Variants in TSC22D1 observed in about 807,000 individuals in gnomAD.
TSC22D1 encodes the protein TSC22 domain family protein 1.
A neutral mutation model predicts 74.2 loss-of-function variants in TSC22D1; 9 were observed. The observed-to-expected ratio is 0.12, with a 90% confidence interval of 0.07 to 0.21. TSC22D1 has a LOEUF of 0.21. TSC22D1 is among the 10% of genes least tolerant of loss of function. The pLI is 1.00. For missense variants in TSC22D1, 1,427 were observed against 1,304.7 expected (o/e 1.09, Z -1.44); for synonymous variants, 586 against 492.5 (o/e 1.19, Z -2.51).
At chr13:44,475,829 T>A (rs61949804) in intron 1 of TSC22D1, among the ~76,000 whole-genome samples, 1 of 152,072 alleles carries the variant, frequency 6.6e-6, no homozygotes, top group African/African-American at 2.4e-5. Flanking sequence ...CCAGACTAGA[T>A]AGCTCCACCA....
At chr13:44,448,731 G>A (rs1484007608) in intron 1 of TSC22D1, among the ~76,000 whole-genome samples, 1 of 152,120 alleles carries the variant, frequency 6.6e-6, no homozygotes, top group Non-Finnish European at 1.5e-5. Context: ...ATGGACCTTG[G>A]AGATCATTTA....
Position 44,576,130 on chromosome 13 carries a change from A to G in TSC22D1, c.-56T>C. 3 of 1,437,050 alleles carry G rather than the reference A, an allele frequency of 2.1e-6. No homozygotes were observed. In the South Asian group the frequency reaches 4.4e-5, roughly 21 times the overall value. 89.0% of individuals were successfully genotyped at this position (1,437,050 alleles called of 1,614,324 possible). On this transcript the variant is annotated 5_prime_UTR_variant, in exon 1 of 3. Transcript: ENST00000458659. The stretch of plus-strand genomic sequence containing the variant: ...GAGTGCAATTTCCTTCTGCACCGTA[A>G]TCTTTGTATTGGAGACGCCGGAGAG...
At chr13:44,447,805 A>G (rs1875802403) in intron 1 of TSC22D1, among the ~76,000 whole-genome samples, 1 of 148,386 alleles carries the variant, frequency 6.7e-6, no homozygotes, top group Non-Finnish European at 1.5e-5. Flanking sequence ...AAGAATATCT[A>G]TAATGCTAAG....
chr13:44,540,773 T>C (rs986535291), intron 1 of TSC22D1, among the ~76,000 whole-genome samples: 2 of 152,154 alleles, frequency 1.3e-5, no homozygotes, highest in African/African-American at 2.4e-5. Context: ...TCAAAGCACA[T>C]AGCATCTGAT....
intron 1 of TSC22D1, among the ~76,000 whole-genome samples, chr13:44,445,216 T>TACACACAC (rs55714213): frequency 6.2e-4 from 90 of 144,782 alleles, no homozygotes; most frequent in African/African-American, 2.0e-3. Context: ...AGGTCAAAGA[T>TACACACAC]ACACACACAC....
intron 2 of TSC22D1, among the ~76,000 whole-genome samples, chr13:44,435,578 T>C (rs1874522455): frequency 6.6e-6 from 1 of 152,188 alleles, no homozygotes; most frequent in Non-Finnish European, 1.5e-5. Flanking sequence ...TTCTTCTTCA[T>C]TGTGAAGGAG....
chr13:44,558,834 T>G (rs1882856808), intron 1 of TSC22D1, among the ~76,000 whole-genome samples: 1 of 152,234 alleles, frequency 6.6e-6, no homozygotes, highest in Admixed American at 6.5e-5. Flanking sequence ...TGATCGTTAT[T>G]ATGGGATTCA....
At chr13:44,504,864 T>C (rs921053185) in intron 1 of TSC22D1, among the ~76,000 whole-genome samples, 1 of 152,186 alleles carries the variant, frequency 6.6e-6, no homozygotes, top group Non-Finnish European at 1.5e-5. Flanking sequence ...ATCAAATATA[T>C]GTTAAAGGCC....
chr13:44,555,469 C>T lies in TSC22D1; in HGVS notation c.2912+17694G>A, dbSNP rs899359392. ...AAAAATACAAAAATAAGCTGGGTGT[C>T]GTGGCGCGAGCCTGTCATCCCAGCT... On this transcript the variant is annotated intron_variant, in intron 1 of 2. Transcript: ENST00000458659. Among the ~76,000 whole-genome samples the T allele has an allele frequency of 9.2e-5, 14 of 152,070 alleles. No homozygotes were observed. In the East Asian group the frequency reaches 1.7e-3, roughly 19 times the overall value.
intron 1 of TSC22D1, among the ~76,000 whole-genome samples, chr13:44,553,546 T>C (rs1306099851): frequency 1.3e-5 from 2 of 152,232 alleles, no homozygotes; most frequent in Admixed American, 6.5e-5. Flanking sequence ...ATGGAAGAGA[T>C]GGTCTTCAGG....
intron 1 of TSC22D1, chr13:44,436,943 C>A (rs1314927961): frequency 3.9e-6 from 4 of 1,023,538 alleles, no homozygotes; most frequent in Non-Finnish European, 4.7e-6. Context: ...CCCCCTACTC[C>A]CTTCCAGGTC....
intron 1 of TSC22D1, among the ~76,000 whole-genome samples, chr13:44,521,362 G>A (rs1247111545): frequency 6.6e-6 from 1 of 151,954 alleles, no homozygotes; most frequent in African/African-American, 2.4e-5. Context: ...ATCATTTGTG[G>A]GGTACACCCC....
chr13:44,534,885 C>T (rs1013955138), intron 1 of TSC22D1, among the ~76,000 whole-genome samples: 1 of 152,236 alleles, frequency 6.6e-6, no homozygotes, highest in Admixed American at 6.5e-5. Flanking sequence ...AGGCAATAAT[C>T]TCATGAAATA....
At chr13:44,486,421 C>T (rs749721367) in intron 1 of TSC22D1, among the ~76,000 whole-genome samples, 2 of 152,222 alleles carry the variant, frequency 1.3e-5, no homozygotes, top group African/African-American at 2.4e-5. Context: ...ACATAACAGG[C>T]TTCAATGCAC....
intron 1 of TSC22D1, among the ~76,000 whole-genome samples, chr13:44,467,674 C>CA (rs748418137): frequency 1.3e-5 from 2 of 152,066 alleles, no homozygotes; most frequent in African/African-American, 4.8e-5. Flanking sequence ...CAGGGAAATG[C>CA]AAATCAAAAC....
At chr13:44,495,805 T>C (rs1192541252) in intron 1 of TSC22D1, among the ~76,000 whole-genome samples, 3 of 152,174 alleles carry the variant, frequency 2.0e-5, no homozygotes, top group African/African-American at 7.2e-5. Flanking sequence ...GATATCCATA[T>C]GCAAAAAAAT....
intron 1 of TSC22D1, among the ~76,000 whole-genome samples, chr13:44,489,643 T>C (rs947118289): frequency 4.6e-5 from 7 of 151,906 alleles, no homozygotes; most frequent in African/African-American, 1.7e-4. Context: ...CTGGGCAACA[T>C]AGCAAGACCT....
chr13:44,545,223 T>C (rs1566165123), intron 1 of TSC22D1, among the ~76,000 whole-genome samples: 2 of 151,958 alleles, frequency 1.3e-5, no homozygotes, highest in South Asian at 2.1e-4. Context: ...TAGTCCCAGC[T>C]ACGTGGGAGG....
In TSC22D1 at chr13:44,442,865, C is replaced by T. The variant is rs146617418; in HGVS notation, c.2913-6770G>A. On this transcript the variant is annotated intron_variant, in intron 1 of 2. Coordinates refer to ENST00000458659, the MANE Select transcript of TSC22D1 (RefSeq NM_183422.4). ...CAGAGGTTGGAGTGAGCCGAGATTG[C>T]GCCACTGCACTCCAGCCTGGGCCAC... Among the ~76,000 whole-genome samples the T allele has an allele frequency of 2.0e-4, 30 of 148,000 alleles. No individual in the cohort carries two copies. The East Asian group carries it at 5.2e-3, about 26-fold the overall frequency.
Sources: allele counts gnomAD v4.1 joint callset (sites outside exome capture counted in the v4.1 genomes callset), GRCh38; gene constraint gnomAD v4.1.1; transcripts MANE v1.5; gene names NCBI Gene and HGNC (gene_info 2026-07-23, HGNC 2026-07-21).